The following GINS2 variants were observed in gnomAD, a reference collection of about 807,000 sequenced individuals.
GINS2 encodes the protein GINS complex subunit 2, also known as DNA replication complex GINS protein PSF2.
GINS2 carries 23 observed loss-of-function variants against 21.2 expected under a neutral mutation model. The observed-to-expected ratio is 1.08, with a 90% CI of 0.78 to 1.53. The LOEUF is 1.53. GINS2 is among the 40% of genes most tolerant of loss of function. The probability of loss-of-function intolerance (pLI) is 0.00; values close to 1 mark genes in which losing one functional copy is unlikely to be tolerated. For missense variants in GINS2, 323 were observed against 233.9 expected (o/e 1.38, Z -2.49); for synonymous variants, 118 against 85.6 (o/e 1.38, Z -2.09).
At position 85,678,601 on chromosome 16, in the gene GINS2, C is replaced by A. The variant is rs765174264; in HGVS notation, c.371G>T (p.Arg124Leu). The part of the protein sequence containing the change: ...RTLVKDMWDT[R>L]IAKLRVSADS... ...AGCAGACACTCGGAGTTTGGCTATA[C>A]GAGTGTCCCACATATCCTTGACCAG... The change falls in exon 4 of 5, where the codon CGT becomes CTT. Residue 124 changes from arginine (R) to leucine (L), a missense_variant. Coordinates refer to ENST00000253462, the MANE Select transcript of GINS2 (RefSeq NM_016095.3). The A allele has an allele frequency of 6.2e-7, 1 of 1,613,936 alleles. No individual in the cohort carries two copies. Among genetic ancestry groups the A allele is most frequent in the African/African-American group, 1.3e-5 (1 of 75,048 alleles).
intron 3 of GINS2, among the ~76,000 whole-genome samples, chr16:85,679,403 T>C (rs1475042847): frequency 6.6e-6 from 1 of 152,230 alleles, no homozygotes; most frequent in Non-Finnish European, 1.5e-5. Flanking sequence ...AACTACACGA[T>C]AAAAGCAGAA....
intron 2 of GINS2, 109 bp from the exon 3 acceptor site, chr16:85,681,790 G>A: frequency 1.5e-6 from 1 of 648,462 alleles, no homozygotes; most frequent in Non-Finnish European, 2.7e-6. Flanking sequence ...TTATCAACTA[G>A]CAAATACATG....
intron 2 of GINS2, among the ~76,000 whole-genome samples, chr16:85,682,043 TTTTTTG>T (rs1567791557): frequency 9.9e-6 from 1 of 100,542 alleles, no homozygotes; most frequent in East Asian, 3.5e-4. Flanking sequence ...TTTTTTTTTT[TTTTTTG>T]AGAGGGTCTC....
chr16:85,688,661 G>A (rs541936985), intron 1 of GINS2, 148 bp downstream of exon 1: 1 of 433,304 alleles, frequency 2.3e-6, no homozygotes, highest in African/African-American at 2.0e-5. Context: ...CGAGAAGCGG[G>A]AACGGCGGTG....
In GINS2 at chr16:85,685,679, A is replaced by AAACAAAAAAAACAAAAAAC. The variant is rs1555579568; in HGVS notation, c.205+1780_205+1781insGTTTTTTGTTTTTTTTGTT. ...GAGCAAGACCCTTTCTCAAAAAAAA[A>AAACAAAAAAAACAAAAAAC]AAAAAAAAAAAACCGTCTCAAAGCA... On this transcript the variant is annotated intron_variant, in intron 2 of 4. Transcript: ENST00000253462. Among the ~76,000 whole-genome samples, 8 of 144,154 alleles carry AAACAAAAAAAACAAAAAAC rather than the reference A, an allele frequency of 5.5e-5. 1 individual carries two copies. Among genetic ancestry groups the AAACAAAAAAAACAAAAAAC allele is most frequent in the African/African-American group, 2.2e-4 (8 of 36,124 alleles). The allele number at this position is 144,154 out of a possible 152,430, so 94.6% of individuals were successfully genotyped here.
chr16:85,688,379 C>T (rs760178114), intron 1 of GINS2, among the ~76,000 whole-genome samples: 13 of 152,102 alleles, frequency 8.5e-5, no homozygotes, highest in Non-Finnish European at 1.9e-4. Context: ...AACCACATCT[C>T]TACCAAAAAT....
At chr16:85,685,190 T>C (rs1002790644) in intron 2 of GINS2, among the ~76,000 whole-genome samples, 10 of 152,180 alleles carry the variant, frequency 6.6e-5, no homozygotes, top group Non-Finnish European at 1.3e-4. Flanking sequence ...TCCCACAATA[T>C]GGCTCCAGCC....
At chr16:85,679,014 C>T (rs764181522) in intron 3 of GINS2, among the ~76,000 whole-genome samples, 4 of 152,156 alleles carry the variant, frequency 2.6e-5, no homozygotes, top group Admixed American at 6.5e-5. Context: ...GAATCAGTTT[C>T]GAGGGCTGGC....
intron 2 of GINS2, among the ~76,000 whole-genome samples, chr16:85,684,997 C>G (rs1386974862): frequency 1.3e-5 from 2 of 152,050 alleles, no homozygotes; most frequent in Non-Finnish European, 2.9e-5. Context: ...CCATGTTGGC[C>G]AGGCTGGTCT....
At chr16:85,686,448 T>C (rs1171555130) in intron 2 of GINS2, among the ~76,000 whole-genome samples, 1 of 151,588 alleles carries the variant, frequency 6.6e-6, no homozygotes, top group Non-Finnish European at 1.5e-5. Flanking sequence ...CAAGTTTTAG[T>C]AGCACTTGTG....
intron 4 of GINS2, 35 bp from the exon 5 acceptor site, chr16:85,678,372 G>A (rs200872427): frequency 1.9e-6 from 3 of 1,610,890 alleles, no homozygotes; most frequent in Non-Finnish European, 2.5e-6. Context: ...TGGCCAAGGA[G>A]TTTTTGATTT....
Position 85,678,017 on chromosome 16 carries a change from G to T in GINS2, c.*195C>A, listed in dbSNP as rs757121498. On this transcript the variant is annotated 3_prime_UTR_variant, in exon 5 of 5. Coordinates refer to ENST00000253462, the MANE Select transcript of GINS2 (RefSeq NM_016095.3). The stretch of plus-strand genomic sequence containing the variant: ...GGTTTCTAGAAACAGATGTGGAATT[G>T]AAGAATGTCCCAGGGAGCTAAGTTT... The T allele has an allele frequency of 1.6e-5, 8 of 515,320 alleles. No individual in the cohort carries two copies. Among genetic ancestry groups the T allele is most frequent in the Non-Finnish European group, 2.4e-5 (7 of 291,992 alleles). The allele number at this position is 515,320 out of a possible 1,614,324, so 31.9% of individuals were successfully genotyped here. A position where few individuals can be genotyped will look rare whatever the true frequency, so the allele number is the denominator to read the frequency against.
intron 1 of GINS2, chr16:85,687,866 G>C (rs2053791389): frequency 2.7e-5 from 7 of 257,770 alleles, no homozygotes; most frequent in Non-Finnish European, 5.1e-5. Context: ...TCCGGAACAG[G>C]TTTCACACAC....
intron 4 of GINS2, 67 bp downstream of exon 4, chr16:85,678,473 G>A (rs2053704207): frequency 1.3e-6 from 2 of 1,581,658 alleles, no homozygotes; most frequent in African/African-American, 1.3e-5. Flanking sequence ...AATAGCCTCA[G>A]CAGACGGGAG....
chr16:85,688,296 C>A (rs1449909143), intron 1 of GINS2, among the ~76,000 whole-genome samples: 2 of 152,176 alleles, frequency 1.3e-5, no homozygotes, highest in Non-Finnish European at 2.9e-5. Flanking sequence ...GCCTGTCATC[C>A]CAGCACTTTG....
intron 1 of GINS2, 141 bp downstream of exon 1, chr16:85,688,668 G>A (rs905193729): frequency 2.3e-6 from 1 of 438,424 alleles, no homozygotes; most frequent in East Asian, 3.5e-5. Context: ...CGGGAACGGC[G>A]GTGAGCGAGT....
intron 2 of GINS2, 36 bp from the exon 3 acceptor site, chr16:85,681,717 A>G (rs1409381052): frequency 1.6e-6 from 2 of 1,261,986 alleles, no homozygotes; most frequent in East Asian, 2.3e-5. Context: ...TACCATCATT[A>G]TAACCAAGAT....
chr16:85,688,299 G>T (rs1477927016), intron 1 of GINS2, among the ~76,000 whole-genome samples: 1 of 152,180 alleles, frequency 6.6e-6, no homozygotes, highest in Non-Finnish European at 1.5e-5. Flanking sequence ...TGTCATCCCA[G>T]CACTTTGGGA....
In GINS2 at chr16:85,678,703, TTG is replaced by T. The variant is rs765388284; in HGVS notation, c.306-39_306-38del. On this transcript the variant is annotated intron_variant, in intron 3 of 4. Transcript: ENST00000253462. ...AGGGCTAAAGTCAGTCGGGGAACAC[TTG>T]ATAACCTGAGGCAATGCTGGATAGA... The T allele has an allele frequency of 2.5e-6, 4 of 1,599,882 alleles. No homozygotes were observed. In the Admixed American group the frequency reaches 5.1e-5, roughly 20 times the overall value.
Sources: gnomAD v4.1 joint callset for allele counts (sites outside exome capture counted in the v4.1 genomes callset) on GRCh38, gnomAD v4.1.1 for gene constraint, MANE v1.5 for transcripts, NCBI Gene and HGNC (gene_info 2026-07-23, HGNC 2026-07-21) for gene names.